Variants in ABCB1 observed in about 807,000 individuals in gnomAD.
ABCB1 encodes the protein ATP binding cassette subfamily B member 1, also known as ATP-dependent translocase ABCB1.
A neutral mutation model predicts 142.0 loss-of-function variants in ABCB1; 69 were observed. That is an observed-to-expected ratio of 0.49 (90% CI 0.40 to 0.59). The LOEUF (loss-of-function observed/expected upper bound fraction) is 0.59, where lower values mean the gene tolerates loss of function less well. ABCB1 is among the 20% of genes least tolerant of loss of function. The probability of loss-of-function intolerance (pLI) is 0.00; values close to 1 mark genes in which losing one functional copy is unlikely to be tolerated. For synonymous variants in ABCB1, 532 were observed against 539.2 expected (o/e 0.99, Z 0.18); for missense variants, 1,326 against 1,554.7 (o/e 0.85, Z 2.47).
At position 87,520,866 on chromosome 7, in the gene ABCB1, T is replaced by A; in HGVS notation, c.2696A>T (p.Glu899Val). The change falls in exon 22 of 28, where the codon GAA (glutamate) becomes GTA (valine). Residue 899 changes from glutamate to valine, a missense_variant. By Grantham distance (121) the Glu-to-Val change is moderately radical. Coordinates refer to ENST00000622132, the MANE Select transcript of ABCB1 (RefSeq NM_001348946.2). ...AACGGTTCGGAAGTTTTCTATTGCT[T>A]CAGTAGCGATCTGTAACAGACAGCA... ...ELEGSGKIAT[E>V]AIENFRTVVS... 3 of 1,613,744 alleles carry A rather than the reference T, an allele frequency of 1.9e-6. No individual in the cohort carries two copies. Among genetic ancestry groups the A allele is most frequent in the Non-Finnish European group, 2.5e-6 (3 of 1,179,736 alleles).
intron 1 of ABCB1, among the ~76,000 whole-genome samples, chr7:87,651,765 C>A (rs1823594460): frequency 1.3e-5 from 2 of 151,940 alleles, no homozygotes; most frequent in Admixed American, 1.3e-4. Flanking sequence ...TGAAAGCATC[C>A]AGGTTTTAAT....
chr7:87,672,471 T>C (rs1280380165), intron 1 of ABCB1, among the ~76,000 whole-genome samples: 1 of 152,122 alleles, frequency 6.6e-6, no homozygotes, highest in East Asian at 1.9e-4. Flanking sequence ...TCTTATCTTG[T>C]GGGGTGCCGT....
intron 4 of ABCB1, among the ~76,000 whole-genome samples, chr7:87,574,195 T>C (rs1363789037): frequency 6.6e-6 from 1 of 152,128 alleles, no homozygotes; most frequent in Admixed American, 6.5e-5. Flanking sequence ...AGAATCTCCT[T>C]GGACCTAGAG....
intron 1 of ABCB1, among the ~76,000 whole-genome samples, chr7:87,648,255 A>G (rs1200116203): frequency 2.6e-5 from 4 of 152,066 alleles, no homozygotes; most frequent in African/African-American, 9.7e-5. Context: ...CATGAATATA[A>G]AGGGAGTTAC....
chr7:87,538,378 A>T (rs1318569071), intron 19 of ABCB1, among the ~76,000 whole-genome samples: 1 of 152,208 alleles, frequency 6.6e-6, no homozygotes, highest in Non-Finnish European at 1.5e-5. Context: ...AGCAATTCCC[A>T]TAAATACATT....
At chr7:87,662,526 A>G (rs1270457942) in intron 1 of ABCB1, among the ~76,000 whole-genome samples, 1 of 151,988 alleles carries the variant, frequency 6.6e-6, no homozygotes. Flanking sequence ...TCCCCAATAT[A>G]CATTTTCAGA....
intron 1 of ABCB1, among the ~76,000 whole-genome samples, chr7:87,700,010 T>C (rs79932554): frequency 6.6e-6 from 1 of 152,138 alleles, no homozygotes; most frequent in Non-Finnish European, 1.5e-5. Context: ...GGTTTTTTTT[T>C]CTGTTTTTTT....
intron 1 of ABCB1, among the ~76,000 whole-genome samples, chr7:87,697,012 G>A (rs1433419012): frequency 6.6e-6 from 1 of 152,068 alleles, no homozygotes; most frequent in Non-Finnish European, 1.5e-5. Context: ...GTTTTCAACA[G>A]CTCTACTTTG....
At chr7:87,670,888 G>A (rs1248973029) in intron 1 of ABCB1, among the ~76,000 whole-genome samples, 1 of 152,182 alleles carries the variant, frequency 6.6e-6, no homozygotes, top group Non-Finnish European at 1.5e-5. Flanking sequence ...TTCTGAAAGT[G>A]TGAGTTTCTC....
At chr7:87,659,666 G>T (rs2130439976) in intron 1 of ABCB1, among the ~76,000 whole-genome samples, 1 of 151,980 alleles carries the variant, frequency 6.6e-6, no homozygotes, top group Admixed American at 6.6e-5. Flanking sequence ...TTGCTAATTT[G>T]TCTAGCACAC....
At chr7:87,504,532 G>GGA (rs1814635077) in intron 27 of ABCB1, 83 bp from the exon 28 acceptor site, 1 of 1,554,102 alleles carries the variant, frequency 6.4e-7, no homozygotes, top group African/African-American at 1.4e-5. Context: ...CAGTAGGACG[G>GGA]GCATGGTGGC....
intron 1 of ABCB1, among the ~76,000 whole-genome samples, chr7:87,663,219 G>A (rs1414502475): frequency 1.3e-5 from 2 of 151,962 alleles, no homozygotes; most frequent in Non-Finnish European, 2.9e-5. Context: ...TTTTTAGTTG[G>A]ATGCCCTTTA....
At chr7:87,513,566 C>A (rs1378557951) in intron 25 of ABCB1, among the ~76,000 whole-genome samples, 1 of 152,140 alleles carries the variant, frequency 6.6e-6, no homozygotes. Flanking sequence ...TACATGAGTT[C>A]TCATCAGAGA....
At chr7:87,654,835 T>A (rs1051115512) in intron 1 of ABCB1, among the ~76,000 whole-genome samples, 1 of 152,014 alleles carries the variant, frequency 6.6e-6, no homozygotes, top group African/African-American at 2.4e-5. Flanking sequence ...CCAAAATATA[T>A]GAGGAACTCA....
intron 17 of ABCB1, among the ~76,000 whole-genome samples, chr7:87,543,504 T>C (rs1043957485): frequency 6.6e-6 from 1 of 152,168 alleles, no homozygotes; most frequent in African/African-American, 2.4e-5. Context: ...TCAGCAGTTA[T>C]GGCAAGGGTG....
intron 21 of ABCB1, among the ~76,000 whole-genome samples, chr7:87,530,857 GAAAGAAAGAAAGAAAGAAAAGAAAGAA>G: frequency 2.7e-5 from 3 of 111,728 alleles, no homozygotes; most frequent in Non-Finnish European, 5.6e-5. Flanking sequence ...AAGAAAGAAA[GAAAGAAAGAAAGAAAGAAAAGAAAGAA>G]AAAGAAAAGA....
intron 4 of ABCB1, among the ~76,000 whole-genome samples, chr7:87,576,391 T>C (rs1989829): frequency 0.7 from 104,743 of 149,648 alleles, 37,075 homozygotes; most frequent in East Asian, 0.98. Flanking sequence ...GCTATACATA[T>C]ACACACACAC....
chr7:87,549,744 T>C, intron 13 of ABCB1, 107 bp downstream of exon 13: 1 of 1,423,314 alleles, frequency 7.0e-7, no homozygotes, highest in Non-Finnish European at 9.9e-7. Flanking sequence ...TTTCCCTTCT[T>C]AGGATTTCCC....
In ABCB1 at chr7:87,504,024, T is replaced by G; in HGVS notation, c.*219A>C. 1 of 603,314 alleles carries G rather than the reference T, an allele frequency of 1.7e-6. No individual in the cohort carries two copies. Among genetic ancestry groups the G allele is most frequent in the Non-Finnish European group, 2.9e-6 (1 of 347,496 alleles). The allele number at this position is 603,314 out of a possible 1,614,324, so 37.4% of individuals were successfully genotyped here. On this transcript the variant is annotated 3_prime_UTR_variant, in exon 28 of 28. Coordinates refer to ENST00000622132, the MANE Select transcript of ABCB1 (RefSeq NM_001348946.2). The stretch of plus-strand genomic sequence containing the variant: ...TTTAAAATCTACTTTAATTCTGTTA[T>G]AAAATTTATAATGCAGTTTAAACTA...
Sources: allele counts gnomAD v4.1 joint callset (sites outside exome capture counted in the v4.1 genomes callset), GRCh38; gene constraint gnomAD v4.1.1; transcripts MANE v1.5; gene names NCBI Gene and HGNC (gene_info 2026-07-23, HGNC 2026-07-21).